CNOT6L: variants seen among roughly 807,000 people sequenced by gnomAD.
CNOT6L encodes CCR4-NOT transcription complex subunit 6-like.
A neutral mutation model predicts 64.0 loss-of-function variants in CNOT6L; 7 were observed. The ratio of observed to expected loss-of-function variants is 0.11; its 90% CI spans 0.06 to 0.21. The LOEUF (loss-of-function observed/expected upper bound fraction) is 0.21, where lower values mean the gene tolerates loss of function less well. Ranked by LOEUF, CNOT6L falls within the 10% of genes least tolerant of loss-of-function variation. CNOT6L has a pLI of 1.00. For missense variants in CNOT6L, 245 were observed against 669.0 expected (o/e 0.37, Z 6.99); for synonymous variants, 193 against 243.4 (o/e 0.79, Z 1.93).
chr4:77,746,242 T>A (rs1489365986), intron 6 of CNOT6L, among the ~76,000 whole-genome samples: 3 of 152,188 alleles, frequency 2.0e-5, no homozygotes, highest in African/African-American at 4.8e-5. Context: ...TTTATATCCC[T>A]GCCAGTGCCT....
chr4:77,796,947 T>C (rs1046857304), intron 1 of CNOT6L, among the ~76,000 whole-genome samples: 4 of 151,508 alleles, frequency 2.6e-5, no homozygotes, highest in African/African-American at 9.7e-5. Context: ...TAGCTGGGCA[T>C]GGTGGTGTCC....
At chr4:77,819,522 G>C (rs1430768375), upstream of CNOT6L, 10 of 846,860 alleles carry the variant, frequency 1.2e-5, no homozygotes, top group Non-Finnish European at 1.6e-5. Context: ...GCCCGTAACC[G>C]GGGCTCGCGG....
At chr4:77,776,415 AGATC>A in intron 1 of CNOT6L, 23 bp from the exon 2 acceptor site, 1 of 1,484,340 alleles carries the variant, frequency 6.7e-7, no homozygotes, top group Non-Finnish European at 9.2e-7. Flanking sequence ...AAAAAGGAGG[AGATC>A]AATAATTATT....
chr4:77,717,724 C>CAGAT lies in CNOT6L; in HGVS notation c.*2703_*2706dup, dbSNP rs1301722470. The CAGAT allele has an allele frequency of 6.6e-6, 1 of 152,424 alleles. No homozygotes were observed. Among genetic ancestry groups the CAGAT allele is most frequent in the Non-Finnish European group, 1.5e-5 (1 of 67,998 alleles). The allele number at this position is 152,424 out of a possible 1,614,324, so 9.4% of individuals were successfully genotyped here. On this transcript the variant is annotated 3_prime_UTR_variant, in exon 12 of 12. Transcript: ENST00000504123. ...GATCATCTGAATTGGCAGCTCAAAA[C>CAGAT]AGATACCACTCCTTTTACAAAGGGA...
chr4:77,737,943 C>T (rs956812212), intron 8 of CNOT6L, among the ~76,000 whole-genome samples: 1 of 152,074 alleles, frequency 6.6e-6, no homozygotes. Flanking sequence ...CAACAACCAC[C>T]TATGACACAG....
upstream of CNOT6L, chr4:77,819,565 C>T: frequency 3.1e-6 from 1 of 327,560 alleles, no homozygotes; most frequent in Non-Finnish European, 5.1e-6. Flanking sequence ...CCCGGGGTCT[C>T]GGGGGGCCCG....
At chr4:77,819,145 C>T in intron 1 of CNOT6L, 159 bp downstream of exon 1, 11 of 1,414,426 alleles carry the variant, frequency 7.8e-6, no homozygotes, top group African/African-American at 2.8e-5. Context: ...ACCCGACACA[C>T]ACCCACTCGC....
chr4:77,819,558 G>A (rs1316906736), upstream of CNOT6L: 6 of 374,304 alleles, frequency 1.6e-5, no homozygotes, highest in Non-Finnish European at 2.2e-5. Flanking sequence ...ACCCGGGCCC[G>A]GGGTCTCGGG....
intron 1 of CNOT6L, among the ~76,000 whole-genome samples, chr4:77,812,985 T>C (rs1316114658): frequency 6.6e-6 from 1 of 152,154 alleles, no homozygotes; most frequent in South Asian, 2.1e-4. Flanking sequence ...ACCATACTAG[T>C]ATAAGGATAA....
chr4:77,784,031 T>A (rs1410183919), intron 1 of CNOT6L, among the ~76,000 whole-genome samples: 1 of 152,034 alleles, frequency 6.6e-6, no homozygotes, highest in Non-Finnish European at 1.5e-5. Flanking sequence ...TTGTTATACA[T>A]CTTTCCAAAG....
intron 1 of CNOT6L, among the ~76,000 whole-genome samples, chr4:77,788,372 A>G (rs1272090459): frequency 3.9e-5 from 6 of 152,226 alleles, no homozygotes; most frequent in Non-Finnish European, 2.9e-5. Flanking sequence ...TAAGGTTAAC[A>G]GTTTTAAACA....
chr4:77,731,195 A>G (rs956075334), intron 9 of CNOT6L, among the ~76,000 whole-genome samples, 192 bp downstream of exon 9: 3 of 152,136 alleles, frequency 2.0e-5, no homozygotes, highest in African/African-American at 7.2e-5. Context: ...ACTGTGATAG[A>G]GAGCACAAAA....
chr4:77,744,598 G>A (rs1353875932), intron 7 of CNOT6L, 120 bp downstream of exon 7: 5 of 812,246 alleles, frequency 6.2e-6, no homozygotes, highest in Non-Finnish European at 9.0e-6. Flanking sequence ...TTTAAGAGGA[G>A]AGAAAACAAT....
chr4:77,755,341 C>G (rs1436746986), intron 5 of CNOT6L, among the ~76,000 whole-genome samples: 1 of 141,924 alleles, frequency 7.0e-6, no homozygotes, highest in East Asian at 2.1e-4. Flanking sequence ...CTCAACCTCC[C>G]AAGTAGCTGG....
intron 1 of CNOT6L, among the ~76,000 whole-genome samples, chr4:77,816,947 A>C (rs1284113773): frequency 6.6e-6 from 1 of 152,202 alleles, no homozygotes; most frequent in African/African-American, 2.4e-5. Flanking sequence ...AAAAATGGAA[A>C]GTTATTGAAA....
intron 11 of CNOT6L, among the ~76,000 whole-genome samples, chr4:77,721,385 G>C (rs2109850282): frequency 6.6e-6 from 1 of 152,212 alleles, no homozygotes; most frequent in Non-Finnish European, 1.5e-5. Flanking sequence ...ATTATCCCAG[G>C]TTGTGTATGC....
intron 4 of CNOT6L, among the ~76,000 whole-genome samples, chr4:77,764,226 A>C (rs887924641): frequency 5.3e-5 from 8 of 152,304 alleles, no homozygotes; most frequent in African/African-American, 1.9e-4. Context: ...AATACCAGCT[A>C]AACAATAGCT....
At chr4:77,811,239 G>A (rs529495124) in intron 1 of CNOT6L, among the ~76,000 whole-genome samples, 133 of 152,254 alleles carry the variant, frequency 8.7e-4, no homozygotes, top group African/African-American at 3.0e-3. Flanking sequence ...CATGTGGACT[G>A]ATGGGAAGAT....
chr4:77,754,888 TA>T lies in CNOT6L; in HGVS notation c.490+1973del. ...AAAACCTAATTCTAAACATTAGAAG[TA>T]AAAAAAAAAAAAAAAAAAAAAAAAC... On this transcript the variant is annotated intron_variant, in intron 5 of 11. Coordinates refer to ENST00000504123, the MANE Select transcript of CNOT6L (RefSeq NM_144571.3). 1.0e-2 allele frequency among the ~76,000 whole-genome samples: 368 copies of T among 36,938 alleles called. 6 individuals are homozygous for T. Among genetic ancestry groups the T allele is most frequent in the Middle Eastern group, 0.075 (3 of 40 alleles). The allele number at this position is 36,938 out of a possible 152,430, so 24.2% of individuals were successfully genotyped here.
Sources: allele counts gnomAD v4.1 joint callset (sites outside exome capture counted in the v4.1 genomes callset), GRCh38; gene constraint gnomAD v4.1.1; transcripts MANE v1.5; gene names NCBI Gene and HGNC (gene_info 2026-07-23, HGNC 2026-07-21).